The following GPR173 variants were observed in gnomAD, a reference collection of about 807,000 sequenced individuals.
The protein encoded by GPR173 is probable G protein-coupled receptor 173.
A neutral mutation model predicts 13.9 loss-of-function variants in GPR173; 2 were observed. The ratio of observed to expected loss-of-function variants is 0.14; its 90% CI spans 0.06 to 0.45. The LOEUF (loss-of-function observed/expected upper bound fraction) is 0.45, where lower values mean the gene tolerates loss of function less well. Among genes scored for constraint, GPR173 ranks in the 20% least tolerant of loss-of-function variants. The pLI is 0.98. For synonymous variants in GPR173, 131 were observed against 141.0 expected (o/e 0.93, Z 0.50); for missense variants, 202 against 340.5 (o/e 0.59, Z 3.20).
At position 53,080,240 on chromosome X, in the gene GPR173, G is replaced by T. The variant is rs1556806477; in HGVS notation, c.*2497G>T. 8.2e-6 allele frequency: 1 copy of T among 121,507 alleles called. No individual in the cohort carries two copies. The highest frequency in any genetic ancestry group is 3.3e-5 in the African/African-American group (1 of 30,207). 10.0% of individuals were successfully genotyped at this position (121,507 alleles called of 1,213,427 possible). A position where few individuals can be genotyped will look rare whatever the true frequency, so the allele number is the denominator to read the frequency against. ...GGTCAGCTTTGACCAAATTTAGAGG[G>T]AGGGATGTCATGGGGAAAAAAAACC... On this transcript the variant is annotated 3_prime_UTR_variant, in exon 2 of 2. Coordinates refer to ENST00000332582, the MANE Select transcript of GPR173 (RefSeq NM_018969.6).
rs782769465 is a variant in GPR173, at chrX:53,076,678, C to T, written c.57C>T (p.Ser19=). The change falls in exon 2 of 2, where the codon TCC becomes TCT. Residue 19 remains serine, a synonymous_variant. Coordinates refer to ENST00000332582, the MANE Select transcript of GPR173 (RefSeq NM_018969.6). ...TGAGCGGCGCTCTGTCCCCACCGTC[C>T]GCATCAGCTTATGTGAAGCTGGTAC... ...EEVSGALSPP[S]ASAYVKLVLL... 4 of 1,206,280 alleles carry T rather than the reference C, an allele frequency of 3.3e-6. No individual in the cohort carries two copies. Among genetic ancestry groups the T allele is most frequent in the Non-Finnish European group, 4.5e-6 (4 of 891,407 alleles).
chrX:53,065,268 C>T (rs1023856157), intron 1 of GPR173: 13 of 112,295 alleles, frequency 1.2e-4, no homozygotes, highest in Admixed American at 3.8e-4. Context: ...TGCTCACACA[C>T]AACCCAATGT....
chrX:53,072,392 T>TGC (rs1263263541), intron 1 of GPR173, among the ~76,000 whole-genome samples: 2 of 73,955 alleles, frequency 2.7e-5, no homozygotes, highest in Non-Finnish European at 4.8e-5. Flanking sequence ...TTCTCTCTCT[T>TGC]GCTCTCTCTC....
intron 1 of GPR173, among the ~76,000 whole-genome samples, chrX:53,073,975 A>C (rs1407401772): frequency 3.0e-5 from 1 of 33,174 alleles, no homozygotes; most frequent in Non-Finnish European, 4.2e-5. Flanking sequence ...ATATATATTT[A>C]TATTTATATA....
chrX:53,059,475 G>C (rs1932090549), intron 1 of GPR173, among the ~76,000 whole-genome samples: 1 of 107,448 alleles, frequency 9.3e-6, no homozygotes, highest in East Asian at 3.0e-4. Context: ...TAAGATTAAA[G>C]ATCCATTACT....
intron 1 of GPR173, among the ~76,000 whole-genome samples, chrX:53,060,955 G>C (rs1556803730): frequency 9.6e-6 from 1 of 103,819 alleles, no homozygotes; most frequent in Admixed American, 1.0e-4. Flanking sequence ...GGAGGATGGT[G>C]ACATTTTTAC....
At chrX:53,067,627 C>T (rs1375612372) in intron 1 of GPR173, among the ~76,000 whole-genome samples, 1 of 111,022 alleles carries the variant, frequency 9.0e-6, no homozygotes, top group African/African-American at 3.3e-5. Context: ...AGATCAAGAC[C>T]ATCCTGGCTA....
At position 53,076,982 on chromosome X, in the gene GPR173, C is replaced by T. The variant is rs958296478; in HGVS notation, c.361C>T (p.Arg121Cys). Reference sequence around the variant, plus strand: ...CATGCTGTTCTGCATCAGCGTCACCCGCTACATGGCCATCGCCCACCACCG... The same window carrying T: ...CATGCTGTTCTGCATCAGCGTCACCTGCTACATGGCCATCGCCCACCACCG... ...AFMLFCISVT[R>C]YMAIAHHRFY... The change falls in exon 2 of 2, where the codon CGC becomes TGC. Residue 121 changes from arginine to cysteine, a missense_variant. Around this residue, in one of 3 missense-constraint regions of GPR173, gnomAD observed 98 missense variants for 137.2 expected, o/e 0.71. Coordinates refer to ENST00000332582, the MANE Select transcript of GPR173 (RefSeq NM_018969.6). The T allele has an allele frequency of 5.0e-6, 6 of 1,209,033 alleles. No homozygotes were observed. Among genetic ancestry groups the T allele is most frequent in the East Asian group, 3.0e-5 (1 of 33,793 alleles).
intron 1 of GPR173, among the ~76,000 whole-genome samples, chrX:53,071,536 C>G (rs1932257249): frequency 8.9e-6 from 1 of 112,266 alleles, no homozygotes; most frequent in Non-Finnish European, 1.9e-5. Flanking sequence ...AGTTCACTTA[C>G]TTAAAAGTCC....
intron 1 of GPR173, among the ~76,000 whole-genome samples, chrX:53,061,107 C>T (rs937289635): frequency 1.7e-4 from 19 of 108,782 alleles, no homozygotes; most frequent in Admixed American, 4.9e-4. Flanking sequence ...CCTGTAGTCC[C>T]AGCTACTGGG....
At chrX:53,070,775 C>T (rs782687880) in intron 1 of GPR173, among the ~76,000 whole-genome samples, 87 of 111,412 alleles carry the variant, frequency 7.8e-4, no homozygotes, top group Non-Finnish European at 9.4e-4. Context: ...TGAGCCACCA[C>T]GCCTGGCCCT....
chrX:53,080,138 A>T lies in GPR173; in HGVS notation c.*2395A>T. 8.0e-6 allele frequency: 1 copy of T among 124,428 alleles called. No homozygotes were observed. 10.3% of individuals were successfully genotyped at this position (124,428 alleles called of 1,213,427 possible). On this transcript the variant is annotated 3_prime_UTR_variant, in exon 2 of 2. Coordinates refer to ENST00000332582, the MANE Select transcript of GPR173 (RefSeq NM_018969.6). ...TGAGGTTAGGAAATGCCCCCCACAA[A>T]GTAATGGCTTCTGGAGGGACTGCTC...
In GPR173 at chrX:53,075,662, C is replaced by T. The variant is rs782203565; in HGVS notation, c.-97-863C>T. Among the ~76,000 whole-genome samples the T allele has an allele frequency of 9.1e-5, 10 of 110,047 alleles. No homozygotes were observed. The South Asian group carries it at 1.5e-3, about 17-fold the overall frequency. The stretch of plus-strand genomic sequence containing the variant: ...GTCCTCATCGTGGCCCACAACCCTA[C>T]ACAATCTGGCCCCAAGGCATCTCTG... On this transcript the variant is annotated intron_variant, in intron 1 of 1. Transcript: ENST00000332582.
intron 1 of GPR173, among the ~76,000 whole-genome samples, chrX:53,076,044 C>G (rs1342638496): frequency 9.0e-6 from 1 of 111,017 alleles, no homozygotes; most frequent in African/African-American, 3.3e-5. Context: ...ACATCCCTGC[C>G]CCACAGATCC....
At chrX:53,051,125 G>A (rs782030085) in intron 1 of GPR173, among the ~76,000 whole-genome samples, 1 of 111,965 alleles carries the variant, frequency 8.9e-6, no homozygotes, top group South Asian at 3.7e-4. Context: ...CTGGGGTGTG[G>A]CCCATGCAGC....
At position 53,076,652 on chromosome X, in the gene GPR173, G is replaced by A. The variant is rs200429357; in HGVS notation, c.31G>A (p.Val11Met). 1 of 1,195,380 alleles carries A rather than the reference G, an allele frequency of 8.4e-7. No homozygotes were observed. The highest frequency in any genetic ancestry group is 3.0e-5 in the East Asian group (1 of 33,532). Residue 11 changes from valine (V) to methionine (M), a missense_variant, in exon 2 of 2, where the codon GTG (valine) becomes ATG (methionine). Physicochemically the swap from Val to Met is conservative, Grantham distance 21. Coordinates refer to ENST00000332582, the MANE Select transcript of GPR173 (RefSeq NM_018969.6). ...CAACACTACCGGAGAGCCTGAGGAGGTGAGCGGCGCTCTGTCCCCACCGTC... is the reference window on the plus strand; with the variant it reads ...CAACACTACCGGAGAGCCTGAGGAGATGAGCGGCGCTCTGTCCCCACCGTC... MANTTGEPEE[V>M]SGALSPPSAS...
In GPR173 at chrX:53,076,981, C is replaced by G. The variant is rs201222239; in HGVS notation, c.360C>G (p.Thr120=). The change falls in exon 2 of 2, where the codon ACC becomes ACG. Residue 120 remains threonine (T), a synonymous_variant. Transcript: ENST00000332582. ...AAFMLFCISV[T]RYMAIAHHRF... is the part of the protein sequence containing the mutation. ...TCATGCTGTTCTGCATCAGCGTCAC[C>G]CGCTACATGGCCATCGCCCACCACC... The G allele has an allele frequency of 3.4e-5, 41 of 1,209,135 alleles. No homozygotes were observed. The highest frequency in any genetic ancestry group is 4.6e-5 in the Non-Finnish European group (41 of 895,118).
chrX:53,062,564 GTCT>G lies in GPR173; in HGVS notation c.-98+13088_-98+13090del, dbSNP rs200309750. Among the ~76,000 whole-genome samples the G allele has an allele frequency of 8.7e-3, 582 of 67,026 alleles. 39 individuals are homozygous for G. Among genetic ancestry groups the G allele is most frequent in the African/African-American group, 0.013 (165 of 12,330 alleles). 58.2% of individuals were successfully genotyped at this position (67,026 alleles called of 115,157 possible). A position where few individuals can be genotyped will look rare whatever the true frequency, so the allele number is the denominator to read the frequency against. On this transcript the variant is annotated intron_variant, in intron 1 of 1. Coordinates refer to ENST00000332582, the MANE Select transcript of GPR173 (RefSeq NM_018969.6). ...ATCCAACAGAAAAAAAAAAAACATT[GTCT>G]TCTTCTTTTTTTTTTTTTTTTTTTT...
chrX:53,078,020 C>A lies in GPR173; in HGVS notation c.*277C>A. ...TCATTCTCTCTCTCTCTCTCTCTGT[C>A]TCTCTCTCTCTCTCTCTCTCTCTCT... is the stretch of plus-strand genomic sequence containing the variant. On this transcript the variant is annotated 3_prime_UTR_variant, in exon 2 of 2. Coordinates refer to ENST00000332582, the MANE Select transcript of GPR173 (RefSeq NM_018969.6). 1 of 82,005 alleles carries A rather than the reference C, an allele frequency of 1.2e-5. No homozygotes were observed. Among genetic ancestry groups the A allele is most frequent in the South Asian group, 4.2e-4 (1 of 2,387 alleles). The allele number at this position is 82,005 out of a possible 1,213,427, so 6.8% of individuals were successfully genotyped here.
Sources: gnomAD v4.1 joint callset for allele counts (sites outside exome capture counted in the v4.1 genomes callset) on GRCh38, gnomAD v4.1.1 for gene constraint, gnomAD v4.1.1 regional missense constraint, MANE v1.5 for transcripts, NCBI Gene and HGNC (gene_info 2026-07-23, HGNC 2026-07-21) for gene names.